SLX4: variants seen among roughly 807,000 people sequenced by gnomAD.
SLX4 encodes SLX4 structure-specific endonuclease subunit.
SLX4 carries 112 observed loss-of-function variants against 146.2 expected under a neutral mutation model. The ratio of observed to expected loss-of-function variants is 0.77; its 90% CI spans 0.66 to 0.90. The LOEUF (loss-of-function observed/expected upper bound fraction) is 0.90, where lower values mean the gene tolerates loss of function less well. Ranked by LOEUF, SLX4 falls within the 40% of genes least tolerant of loss-of-function variation. The pLI is 0.00. For missense variants in SLX4, 2,563 were observed against 2,392.7 expected (o/e 1.07, Z -1.49); for synonymous variants, 1,061 against 997.7 (o/e 1.06, Z -1.20).
Position 3,590,637 on chromosome 16 carries a change from T to G in SLX4, c.3001A>C (p.Thr1001Pro), listed in dbSNP as rs769494671. The change falls in exon 12 of 15, where the codon ACA becomes CCA. Residue 1001 changes from threonine (T) to proline (P), a missense_variant. Thr to Pro is a conservative substitution (Grantham distance 38). Transcript: ENST00000294008. The surrounding 1 kb of genome is among the most constrained non-coding windows in gnomAD (Gnocchi z 4.8). ...QGEISEPSQI[T>P]SEPEEQSGAV... ...CCACTTTGTTCCTCGGGCTCACTTGTTATTTGGGACGGCTCTGAGATCTCT... is the reference window on the plus strand; with the variant it reads ...CCACTTTGTTCCTCGGGCTCACTTGGTATTTGGGACGGCTCTGAGATCTCT... 6.2e-7 allele frequency: 1 copy of G among 1,614,108 alleles called. No individual in the cohort carries two copies. The highest frequency in any genetic ancestry group is 1.3e-5 in the African/African-American group (1 of 75,040).
In SLX4 at chr16:3,589,267, C is replaced by G. The variant is rs745485209; in HGVS notation, c.4371G>C (p.Arg1457Ser). ...GPLSTSSPSRRMNEAADSRDC... is the reference protein window; with the variant it reads ...GPLSTSSPSRSMNEAADSRDC... ...CACGGCTGTCGGCGGCCTCGTTCAT[C>G]CTGCGGCTGGGGCTGCTGGTGCTCA... The change falls in exon 12 of 15, where the codon AGG becomes AGC. Residue 1457 changes from arginine to serine, a missense_variant. Coordinates refer to ENST00000294008, the MANE Select transcript of SLX4 (RefSeq NM_032444.4). The surrounding 1 kb of genome is among the most constrained non-coding windows in gnomAD (Gnocchi z 6.2). 3.1e-6 allele frequency: 5 copies of G among 1,600,984 alleles called. No individual in the cohort carries two copies. The highest frequency in any genetic ancestry group is 4.3e-6 in the Non-Finnish European group (5 of 1,172,070).
At chr16:3,599,888 T>C (rs1481542980) in intron 5 of SLX4, among the ~76,000 whole-genome samples, 1 of 152,194 alleles carries the variant, frequency 6.6e-6, no homozygotes, top group Non-Finnish European at 1.5e-5. Flanking sequence ...GCCTGGCCAA[T>C]CACCAAATCT....
In SLX4 at chr16:3,601,203, C is replaced by A. The variant is rs1160882480; in HGVS notation, c.951-12G>T. The A allele has an allele frequency of 2.6e-5, 42 of 1,613,776 alleles. No homozygotes were observed. Among genetic ancestry groups the A allele is most frequent in the Non-Finnish European group, 3.5e-5 (41 of 1,179,860 alleles). On this transcript the variant is annotated splice_polypyrimidine_tract_variant and intron_variant, in intron 4 of 14. Transcript: ENST00000294008. ...CTTCATCCAAGCACCTGAAGGAAAA[C>A]AGTCAATACAGGAGAACCACCCTCC...
chr16:3,599,798 C>G (rs1436494408), intron 5 of SLX4, among the ~76,000 whole-genome samples: 1 of 152,058 alleles, frequency 6.6e-6, no homozygotes, highest in Non-Finnish European at 1.5e-5. Flanking sequence ...GTAGTCCAGG[C>G]TGGCCTTGAA....
chr16:3,611,336 C>T (rs2040868570), intron 1 of SLX4, among the ~76,000 whole-genome samples: 1 of 152,242 alleles, frequency 6.6e-6, no homozygotes, highest in African/African-American at 2.4e-5. Context: ...CCGTGGGGAT[C>T]CGGATCCGCC....
At chr16:3,587,702 C>T (rs771074213) in intron 12 of SLX4, among the ~76,000 whole-genome samples, 28 of 151,744 alleles carry the variant, frequency 1.8e-4, no homozygotes, top group Admixed American at 1.0e-3. Flanking sequence ...GTCACCCTCC[C>T]GAAGCAAGGC....
At chr16:3,607,546 C>T (rs1290533313) in intron 2 of SLX4, among the ~76,000 whole-genome samples, 3 of 152,066 alleles carry the variant, frequency 2.0e-5, no homozygotes, top group East Asian at 1.9e-4. Context: ...TATCCAGGCA[C>T]GGTGGTGGGT....
chr16:3,585,333 TC>T (rs1394840310), intron 12 of SLX4, among the ~76,000 whole-genome samples: 6 of 152,110 alleles, frequency 3.9e-5, no homozygotes, highest in African/African-American at 7.2e-5. Context: ...ACGCCTGTAA[TC>T]CCAGCACTTT....
rs560084188 is a variant in SLX4 at position 3,586,674 on chromosome 16, A to G, written c.4637-1803T>C. The stretch of plus-strand genomic sequence containing the variant: ...AAAAATACAAAAAAATTAGCCGGGC[A>G]TGGCATGGCGATGGGCGCTTGTAAT... On this transcript the variant is annotated intron_variant, in intron 12 of 14. Coordinates refer to ENST00000294008, the MANE Select transcript of SLX4 (RefSeq NM_032444.4). Among the ~76,000 whole-genome samples the G allele has an allele frequency of 4.8e-3, 729 of 152,086 alleles. 7 individuals carry two copies. The highest frequency in any genetic ancestry group is 0.016 in the African/African-American group (669 of 41,478).
At position 3,582,559 on chromosome 16, in the gene SLX4, T is replaced by C; in HGVS notation, c.5288A>G (p.Lys1763Arg). Residue 1763 changes from lysine (K) to arginine (R), a missense_variant, in exon 15 of 15, where the codon AAG becomes AGG. By Grantham distance (26) the Lys-to-Arg change is conservative. Transcript: ENST00000294008. ...CAGCACCTTCTGGTACAGGGCCGGCTTGGAGCGGATGTAGCACCTCAGCGC... is the reference window on the plus strand; with the variant it reads ...CAGCACCTTCTGGTACAGGGCCGGCCTGGAGCGGATGTAGCACCTCAGCGC... ...DEALRCYIRS[K>R]PALYQKVLLY... The C allele has an allele frequency of 6.2e-7, 1 of 1,613,840 alleles. No homozygotes were observed. Among genetic ancestry groups the C allele is most frequent in the Non-Finnish European group, 8.5e-7 (1 of 1,180,030 alleles).
In SLX4 at chr16:3,582,588, G is replaced by A. The variant is rs144776083; in HGVS notation, c.5259C>T (p.Asp1753=). 1.1e-3 allele frequency: 1,798 copies of A among 1,613,624 alleles called. 26 individuals carry two copies. The South Asian group carries it at 0.016, about 14-fold the overall frequency. Residue 1753 remains aspartate (D), a synonymous_variant, in exon 15 of 15, where the codon GAC becomes GAT. Transcript: ENST00000294008. ...AGCGGATGTAGCACCTCAGCGCCTC[G>A]TCTGTGTCCGCCGCCTGCACGGCTG... ...SQAAVQAADT[D]EALRCYIRSK...
chr16:3,610,978 TG>T (rs2040859713), intron 1 of SLX4, among the ~76,000 whole-genome samples: 1 of 149,566 alleles, frequency 6.7e-6, no homozygotes, highest in Non-Finnish European at 1.5e-5. Flanking sequence ...ACAACTGTGT[TG>T]ATCTCCGCAT....
In SLX4 at chr16:3,582,388, C is replaced by T; in HGVS notation, c.5459G>A (p.Gly1820Asp). ...TAATRREKLQ[G>D]RRRQPRGKKK... The stretch of plus-strand genomic sequence containing the variant: ...CTTGCCCCGAGGCTGCCGCCTCCTG[C>T]CCTGGAGCTTCTCCCTGCGGGTGGC... Residue 1820 changes from glycine to aspartate, a missense_variant, in exon 15 of 15, where the codon GGC (glycine) becomes GAC (aspartate). Physicochemically the swap from Gly to Asp is moderately conservative, Grantham distance 94. Coordinates refer to ENST00000294008, the MANE Select transcript of SLX4 (RefSeq NM_032444.4). The T allele has an allele frequency of 6.2e-7, 1 of 1,613,820 alleles. No individual in the cohort carries two copies. Among genetic ancestry groups the T allele is most frequent in the Non-Finnish European group, 8.5e-7 (1 of 1,180,038 alleles).
chr16:3,605,479 T>C (rs975144973), intron 3 of SLX4, among the ~76,000 whole-genome samples: 3 of 151,802 alleles, frequency 2.0e-5, no homozygotes, highest in Non-Finnish European at 2.9e-5. Context: ...TGCCTTGGCC[T>C]CCCAAAGTTT....
In SLX4 at chr16:3,591,086, A is replaced by G; in HGVS notation, c.2552T>C (p.Met851Thr). The stretch of plus-strand genomic sequence containing the variant: ...AGCTGCAAATTCATAAATTTCTTCC[A>G]TTTCTGCTTCATTCACGTTTTCTTG... ...EDQENVNEAE[M>T]EEIYEFAATQ... is the part of the protein sequence containing the mutation. The change falls in exon 12 of 15, where the codon ATG becomes ACG. Residue 851 changes from methionine to threonine, a missense_variant. Coordinates refer to ENST00000294008, the MANE Select transcript of SLX4 (RefSeq NM_032444.4). The G allele has an allele frequency of 1.2e-6, 2 of 1,614,010 alleles. No individual in the cohort carries two copies. Among genetic ancestry groups the G allele is most frequent in the Non-Finnish European group, 1.7e-6 (2 of 1,180,008 alleles).
chr16:3,591,344 C>G, intron 11 of SLX4, 34 bp from the exon 12 acceptor site: 2 of 1,605,352 alleles, frequency 1.2e-6, no homozygotes, highest in African/African-American at 1.3e-5. Flanking sequence ...CATCGCCCCT[C>G]TGCGTGGAGA....
At position 3,608,544 on chromosome 16, in the gene SLX4, C is replaced by T. The variant is rs137976282; in HGVS notation, c.421G>A (p.Gly141Arg). ...SEPAHSVNGE[G>R]GVLASAPDPP... Reference sequence around the variant, plus strand: ...TCTGGAGCAGAGGCAAGCACACCCCCCTCCCCATTCACAGAGTGGGCCGGT... The same window carrying T: ...TCTGGAGCAGAGGCAAGCACACCCCTCTCCCCATTCACAGAGTGGGCCGGT... The change falls in exon 2 of 15, where the codon GGG becomes AGG. Residue 141 changes from glycine (G) to arginine (R), a missense_variant. Coordinates refer to ENST00000294008, the MANE Select transcript of SLX4 (RefSeq NM_032444.4). 1 of 1,614,072 alleles carries T rather than the reference C, an allele frequency of 6.2e-7. No individual in the cohort carries two copies. The highest frequency in any genetic ancestry group is 1.7e-5 in the Admixed American group (1 of 59,994).
rs78541095 is a variant in SLX4 at position 3,590,200 on chromosome 16, G to T, written c.3438C>A (p.Asn1146Lys). 6.8e-6 allele frequency: 11 copies of T among 1,614,122 alleles called. No individual in the cohort carries two copies. In the East Asian group the frequency reaches 2.5e-4, roughly 36 times the overall value. ...SRSQKSSSKL[N>K]EEDEVILLLD... ...GTAAGAGGATGACCTCATCTTCTTC[G>T]TTCAGTTTGGATGAAGATTTCTGAG... Residue 1146 changes from asparagine (N) to lysine (K), a missense_variant, in exon 12 of 15, where the codon AAC becomes AAA. Physicochemically the swap from Asn to Lys is moderately conservative, Grantham distance 94. Coordinates refer to ENST00000294008, the MANE Select transcript of SLX4 (RefSeq NM_032444.4). This position sits in a 1 kb window ranked among gnomAD's most constrained non-coding sequence, Gnocchi z 4.8.
In SLX4 at chr16:3,585,453, G is replaced by A. The variant is rs1383438158; in HGVS notation, c.4637-582C>T. Among the ~76,000 whole-genome samples, 3 of 152,110 alleles carry A rather than the reference G, an allele frequency of 2.0e-5. No individual in the cohort carries two copies. The East Asian group carries it at 5.8e-4, about 29-fold the overall frequency. ...TACAAAAAATTAGCTGGGCGTGGTG[G>A]CGGGCGCCTGTAGTCCCAGCTGCTT... On this transcript the variant is annotated intron_variant, in intron 12 of 14. Transcript: ENST00000294008.
Sources: gnomAD v4.1 joint callset for allele counts (sites outside exome capture counted in the v4.1 genomes callset) on GRCh38, gnomAD v4.1.1 for gene constraint, Gnocchi (gnomAD v3.1) non-coding constraint, MANE v1.5 for transcripts, NCBI Gene and HGNC (gene_info 2026-07-23, HGNC 2026-07-21) for gene names.